KALRN: variants seen among roughly 807,000 people sequenced by gnomAD.
KALRN encodes kalirin RhoGEF kinase.
In KALRN, 70 loss-of-function variants were observed where a neutral mutation model predicts 353.7. The observed-to-expected ratio is 0.20, with a 90% CI of 0.16 to 0.24. KALRN has a LOEUF of 0.24. Among genes scored for constraint, KALRN ranks in the 10% least tolerant of loss-of-function variants. The pLI is 1.00. For synonymous variants in KALRN, 1,391 were observed against 1,434.8 expected (o/e 0.97, Z 0.69); for missense variants, 2,791 against 3,756.7 (o/e 0.74, Z 6.72).
intron 1 of KALRN, among the ~76,000 whole-genome samples, chr3:124,092,687 C>T (rs964411509): frequency 6.6e-6 from 1 of 152,196 alleles, no homozygotes; most frequent in African/African-American, 2.4e-5. Flanking sequence ...CAGAAACTCT[C>T]AGGGAGGAGA....
At chr3:124,336,747 A>G (rs2081172552) in intron 9 of KALRN, among the ~76,000 whole-genome samples, 1 of 152,204 alleles carries the variant, frequency 6.6e-6, no homozygotes, top group African/African-American at 2.4e-5. Context: ...CTGTCAGTTC[A>G]TCACTTTCTT....
chr3:124,617,405 G>A (rs1234380563), intron 34 of KALRN, among the ~76,000 whole-genome samples: 1 of 152,196 alleles, frequency 6.6e-6, no homozygotes, highest in Non-Finnish European at 1.5e-5. Flanking sequence ...ACTTTGCTCA[G>A]TGAGGGAAAA....
chr3:124,120,356 A>C (rs971888060), intron 1 of KALRN, among the ~76,000 whole-genome samples: 1 of 152,142 alleles, frequency 6.6e-6, no homozygotes, highest in African/African-American at 2.4e-5. Context: ...CTTGCAATCC[A>C]CAGGTGGTTT....
chr3:124,581,215 A>G (rs2074593737), intron 34 of KALRN, among the ~76,000 whole-genome samples: 1 of 151,948 alleles, frequency 6.6e-6, no homozygotes, highest in South Asian at 2.1e-4. Flanking sequence ...GAGGCTGGGT[A>G]TGGTGGCTCA....
intron 1 of KALRN, among the ~76,000 whole-genome samples, chr3:124,036,336 G>A (rs755458544): frequency 3.9e-5 from 6 of 151,960 alleles, no homozygotes; most frequent in Admixed American, 6.6e-5. Context: ...TTGTTCCTGC[G>A]TTAGTTTGCT....
chr3:124,690,974 T>C (rs1220288699), intron 51 of KALRN, among the ~76,000 whole-genome samples: 1 of 152,198 alleles, frequency 6.6e-6, no homozygotes, highest in Non-Finnish European at 1.5e-5. Flanking sequence ...AAGTCAAAGG[T>C]CAAATATGTA....
In KALRN at chr3:124,326,148, G is replaced by C; in HGVS notation, c.1261G>C (p.Val421Leu). 1 of 1,612,520 alleles carries C rather than the reference G, an allele frequency of 6.2e-7. No individual in the cohort carries two copies. Among genetic ancestry groups the C allele is most frequent in the Non-Finnish European group, 8.5e-7 (1 of 1,179,230 alleles). Reference protein sequence around the residue: ...ERSTILAMSAVFHQKAEQFLS... With the variant: ...ERSTILAMSALFHQKAEQFLS... Reference sequence around the variant, plus strand: ...CAGCACCATCCTCGCCATGTCTGCTGTGTTCCACCAGAAGGCTGAGCAGGT... The same window carrying C: ...CAGCACCATCCTCGCCATGTCTGCTCTGTTCCACCAGAAGGCTGAGCAGGT... The change falls in exon 7 of 60, where the codon GTG becomes CTG. Residue 421 changes from valine to leucine, a missense_variant. Coordinates refer to ENST00000682506, the MANE Select transcript of KALRN (RefSeq NM_001388419.1).
At chr3:124,183,506 C>A (rs2073869982) in intron 1 of KALRN, among the ~76,000 whole-genome samples, 1 of 152,182 alleles carries the variant, frequency 6.6e-6, no homozygotes. Flanking sequence ...CCAAAAACTT[C>A]CCACCAGGCC....
chr3:124,491,198 G>T (rs1283588360), intron 30 of KALRN, 125 bp from the exon 31 acceptor site: 5 of 617,566 alleles, frequency 8.1e-6, no homozygotes, highest in Admixed American at 3.2e-5. Flanking sequence ...ATCTGTTAAA[G>T]TTTGATTGAC....
chr3:124,207,401 G>A (rs544244347), intron 1 of KALRN, among the ~76,000 whole-genome samples: 142 of 152,336 alleles, frequency 9.3e-4, no homozygotes, highest in Non-Finnish European at 1.8e-3. Flanking sequence ...CCTCTGTCCT[G>A]TAACTCTCTG....
chr3:124,574,251 C>T (rs1056561221), intron 34 of KALRN, among the ~76,000 whole-genome samples: 2 of 152,206 alleles, frequency 1.3e-5, no homozygotes, highest in South Asian at 2.1e-4. Context: ...AACTCAGTGT[C>T]GTGCTGTCTC....
intron 28 of KALRN, among the ~76,000 whole-genome samples, chr3:124,485,204 G>C (rs1445351057): frequency 6.6e-6 from 1 of 152,216 alleles, no homozygotes; most frequent in African/African-American, 2.4e-5. Context: ...CCCAAAGGTT[G>C]TTCAGGAATT....
intron 1 of KALRN, among the ~76,000 whole-genome samples, chr3:124,194,680 A>G (rs966635869): frequency 5.9e-5 from 9 of 152,178 alleles, no homozygotes; most frequent in African/African-American, 2.2e-4. Context: ...GGAAGTTAGT[A>G]TCTGAGTTAG....
chr3:124,564,504 C>T (rs2072541170), intron 34 of KALRN, among the ~76,000 whole-genome samples: 1 of 151,212 alleles, frequency 6.6e-6, no homozygotes, highest in Non-Finnish European at 1.5e-5. Flanking sequence ...AGTGAGACCC[C>T]CATCTCTACA....
At chr3:124,210,296 C>A (rs2076791688) in intron 1 of KALRN, among the ~76,000 whole-genome samples, 1 of 152,186 alleles carries the variant, frequency 6.6e-6, no homozygotes, top group Non-Finnish European at 1.5e-5. Flanking sequence ...TTTCCTTCTA[C>A]ATTTTGCCAT....
rs2063193061 is a variant in KALRN at position 124,717,487 on chromosome 3, C to T, written c.8415+102C>T. 7 of 698,284 alleles carry T rather than the reference C, an allele frequency of 1.0e-5. No homozygotes were observed. The South Asian group carries it at 1.6e-4, about 16-fold the overall frequency. 43.3% of individuals were successfully genotyped at this position (698,284 alleles called of 1,614,324 possible). ...GGATCACAAGGTCAGGAGATCGAGA[C>T]CATCCTGGCTGACACGGTGAAACCC... On this transcript the variant is annotated intron_variant, in intron 59 of 59. Coordinates refer to ENST00000682506, the MANE Select transcript of KALRN (RefSeq NM_001388419.1).
intron 33 of KALRN, among the ~76,000 whole-genome samples, chr3:124,506,099 T>C (rs2065190912): frequency 6.6e-6 from 1 of 152,242 alleles, no homozygotes; most frequent in South Asian, 2.1e-4. Context: ...AGATCCTCTA[T>C]GGTGAAACAG....
intron 33 of KALRN, among the ~76,000 whole-genome samples, chr3:124,529,241 A>G (rs1176952146): frequency 6.6e-6 from 1 of 152,212 alleles, no homozygotes; most frequent in Non-Finnish European, 1.5e-5. Flanking sequence ...CATAGCATGT[A>G]CAGCAAGTGC....
chr3:124,584,720 G>A, intron 34 of KALRN: 2 of 1,490,780 alleles, frequency 1.3e-6, no homozygotes, highest in Admixed American at 2.3e-5. Context: ...GGGAGGGCGG[G>A]AGCCGGCTCT....
Sources: allele counts gnomAD v4.1 joint callset (sites outside exome capture counted in the v4.1 genomes callset), GRCh38; gene constraint gnomAD v4.1.1; transcripts MANE v1.5; gene names NCBI Gene and HGNC (gene_info 2026-07-23, HGNC 2026-07-21).